The following PREX2 variants were observed in gnomAD, a reference collection of about 807,000 sequenced individuals.
PREX2 encodes phosphatidylinositol 3,4,5-trisphosphate-dependent Rac exchanger 2 protein.
Under a neutral mutation model 203.2 loss-of-function variants are expected in PREX2, and 107 were observed. The ratio of observed to expected loss-of-function variants is 0.53; its 90% CI spans 0.45 to 0.62. PREX2 has a LOEUF of 0.62. Ranked by LOEUF, PREX2 falls within the 20% of genes least tolerant of loss-of-function variation. The pLI, the probability that PREX2 is intolerant of heterozygous loss-of-function variation, is 0.00. For synonymous variants in PREX2, 672 were observed against 663.6 expected, an observed-to-expected ratio of 1.01 and a Z score of -0.19; for missense variants, 1,777 against 1,955.9, an observed-to-expected ratio of 0.91 and a Z score of 1.72.
Position 68,030,934 on chromosome 8 carries a change from G to A in PREX2, c.705+276G>A, listed in dbSNP as rs1322906913. Reference sequence around the variant, plus strand: ...TAATATTTTAGCATTTATGCATCATGATGATCCTGTTCCTCTCTCAACTTT... The same window carrying A: ...TAATATTTTAGCATTTATGCATCATAATGATCCTGTTCCTCTCTCAACTTT... On this transcript the variant is annotated intron_variant, in intron 6 of 39. Transcript: ENST00000288368. Among the ~76,000 whole-genome samples, 2 of 152,118 alleles carry A rather than the reference G, an allele frequency of 1.3e-5. 1 individual carries two copies. Among genetic ancestry groups the A allele is most frequent in the Non-Finnish European group, 2.9e-5 (2 of 68,036 alleles).
intron 7 of PREX2, among the ~76,000 whole-genome samples, chr8:68,042,271 A>C (rs1273794159): frequency 6.6e-6 from 1 of 152,112 alleles, no homozygotes; most frequent in Non-Finnish European, 1.5e-5. Context: ...TAGATTAGGC[A>C]TCCTTGCTCT....
chr8:68,089,530 A>T (rs936144868), intron 19 of PREX2, among the ~76,000 whole-genome samples: 1 of 152,126 alleles, frequency 6.6e-6, no homozygotes, highest in Non-Finnish European at 1.5e-5. Context: ...ACACAAACAG[A>T]ACAGCTTGGA....
intron 15 of PREX2, among the ~76,000 whole-genome samples, chr8:68,078,902 T>A (rs778648282): frequency 1.2e-4 from 19 of 152,228 alleles, no homozygotes; most frequent in Non-Finnish European, 2.6e-4. Context: ...ACAGTGTAGC[T>A]CATGCCTGGC....
At chr8:68,179,438 T>C (rs1417512948) in intron 35 of PREX2, among the ~76,000 whole-genome samples, 1 of 152,082 alleles carries the variant, frequency 6.6e-6, no homozygotes, top group Non-Finnish European at 1.5e-5. Context: ...TGAGAGCAGA[T>C]TCTGAAAGAG....
intron 20 of PREX2, among the ~76,000 whole-genome samples, chr8:68,092,920 C>T (rs1809925864): frequency 6.6e-6 from 1 of 152,086 alleles, no homozygotes; most frequent in Admixed American, 6.6e-5. Context: ...TCCCAAAGTG[C>T]TGAGATTATA....
chr8:68,073,380 T>C (rs535153312), intron 14 of PREX2, among the ~76,000 whole-genome samples: 1 of 152,114 alleles, frequency 6.6e-6, no homozygotes, highest in African/African-American at 2.4e-5. Flanking sequence ...CATACACACC[T>C]TTACTTTTTC....
intron 1 of PREX2, among the ~76,000 whole-genome samples, chr8:67,965,541 A>G (rs943378016): frequency 4.6e-5 from 7 of 152,002 alleles, no homozygotes; most frequent in African/African-American, 1.2e-4. Flanking sequence ...GTATATGTAT[A>G]TATATACACA....
In PREX2 at chr8:68,201,135, T is replaced by C. The variant is rs114082827; in HGVS notation, c.4604+8610T>C. 4.8e-3 allele frequency among the ~76,000 whole-genome samples: 735 copies of C among 152,258 alleles called. 5 individuals carry two copies. The highest frequency in any genetic ancestry group is 0.017 in the African/African-American group (693 of 41,550). ...ATATTATAAATAAAAATTCCAGTCATTTTCTGGAATATATTACTGAGATCT... is the reference window on the plus strand; with the variant it reads ...ATATTATAAATAAAAATTCCAGTCACTTTCTGGAATATATTACTGAGATCT... On this transcript the variant is annotated intron_variant, in intron 37 of 39. Coordinates refer to ENST00000288368, the MANE Select transcript of PREX2 (RefSeq NM_024870.4).
intron 1 of PREX2, among the ~76,000 whole-genome samples, chr8:68,013,449 C>G (rs900753077): frequency 6.6e-6 from 1 of 152,138 alleles, no homozygotes; most frequent in African/African-American, 2.4e-5. Flanking sequence ...AAATCTGAGA[C>G]CCAACAGGTC....
At position 67,955,170 on chromosome 8, in the gene PREX2, A is replaced by T. The variant is rs6986862; in HGVS notation, c.141+2635A>T. Among the ~76,000 whole-genome samples the T allele has an allele frequency of 2.6e-3, 359 of 139,454 alleles. 3 individuals are homozygous for T. The highest frequency in any genetic ancestry group is 7.4e-3 in the Middle Eastern group (2 of 272). The allele number at this position is 139,454 out of a possible 152,430, so 91.5% of individuals were successfully genotyped here. Reference sequence around the variant, plus strand: ...CTCAAAAAAAAAAAAAAAAAAAAAAAAGAAATCATATGGCTAGAGGGAAAA... The same window carrying T: ...CTCAAAAAAAAAAAAAAAAAAAAAATAGAAATCATATGGCTAGAGGGAAAA... On this transcript the variant is annotated intron_variant, in intron 1 of 39. Coordinates refer to ENST00000288368, the MANE Select transcript of PREX2 (RefSeq NM_024870.4).
chr8:68,236,147 T>TA lies in PREX2; in HGVS notation c.*4772dup, dbSNP rs1206643793. On this transcript the variant is annotated 3_prime_UTR_variant, in exon 40 of 40. Coordinates refer to ENST00000288368, the MANE Select transcript of PREX2 (RefSeq NM_024870.4). ...AGCATCAGAGCTGTCCAACCATGTGTAAATGTACCTGGTCTTTTGATCACT... is the reference window on the plus strand; with the variant it reads ...AGCATCAGAGCTGTCCAACCATGTGTAAAATGTACCTGGTCTTTTGATCACT... 1 of 151,998 alleles carries TA rather than the reference T, an allele frequency of 6.6e-6. No homozygotes were observed. The highest frequency in any genetic ancestry group is 2.4e-5 in the African/African-American group (1 of 41,264). 9.4% of individuals were successfully genotyped at this position (151,998 alleles called of 1,614,324 possible).
chr8:68,192,456 C>G lies in PREX2; in HGVS notation c.4535C>G (p.Ser1512Ter). Residue 1512 changes from serine to a stop codon, truncating the protein, a stop_gained, in exon 37 of 40, where the codon TCA becomes TGA. Transcript: ENST00000288368. LOFTEE classifies it high-confidence loss of function. ...AGTGCTTCTGGGGTTGGACTGCTGT[C>G]AGTTTCCTCGGAGCTGTGCAACAGG... ...ACSASGVGLL[S>*]VSSELCNRLG... 6.2e-7 allele frequency: 1 copy of G among 1,613,896 alleles called. No individual in the cohort carries two copies. Among genetic ancestry groups the G allele is most frequent in the Non-Finnish European group, 8.5e-7 (1 of 1,179,984 alleles).
intron 39 of PREX2, among the ~76,000 whole-genome samples, chr8:68,226,079 CAATAA>C (rs1380522666): frequency 1.3e-5 from 2 of 151,872 alleles, no homozygotes; most frequent in Non-Finnish European, 2.9e-5. Flanking sequence ...AAACGAAACG[CAATAA>C]AATGAGCCAG....
At chr8:68,183,161 G>T (rs759081942) in intron 35 of PREX2, among the ~76,000 whole-genome samples, 2 of 152,056 alleles carry the variant, frequency 1.3e-5, no homozygotes, top group African/African-American at 2.4e-5. Context: ...GTAATGAAAT[G>T]ATTGTATTTA....
At chr8:68,024,989 C>A (rs1186724070) in intron 4 of PREX2, among the ~76,000 whole-genome samples, 1 of 151,850 alleles carries the variant, frequency 6.6e-6, no homozygotes, top group Admixed American at 6.6e-5. Context: ...ATATATATTA[C>A]ATTATATATG....
At chr8:68,191,589 C>A in intron 35 of PREX2, 133 bp from the exon 36 acceptor site, 1 of 628,802 alleles carries the variant, frequency 1.6e-6, no homozygotes, top group South Asian at 2.3e-5. Context: ...TTGTGCAACC[C>A]CAACCTTCTA....
At chr8:68,045,867 A>T (rs1808338901) in intron 8 of PREX2, among the ~76,000 whole-genome samples, 1 of 152,096 alleles carries the variant, frequency 6.6e-6, no homozygotes, top group South Asian at 2.1e-4. Flanking sequence ...ATTTTTTACA[A>T]GGTAGCAGTA....
At chr8:68,211,973 C>CAA (rs970751473) in intron 37 of PREX2, among the ~76,000 whole-genome samples, 18 of 152,264 alleles carry the variant, frequency 1.2e-4, no homozygotes, top group African/African-American at 4.1e-4. Flanking sequence ...ATTTACGTAA[C>CAA]AAATTGTTCT....
intron 6 of PREX2, among the ~76,000 whole-genome samples, chr8:68,036,210 C>A (rs1471134419): frequency 1.3e-5 from 2 of 152,056 alleles, no homozygotes; most frequent in Non-Finnish European, 2.9e-5. Flanking sequence ...GGAAAAAGAC[C>A]TAGCGGTTTG....
Sources: allele counts gnomAD v4.1 joint callset (sites outside exome capture counted in the v4.1 genomes callset), GRCh38; gene constraint gnomAD v4.1.1; transcripts MANE v1.5; gene names NCBI Gene and HGNC (gene_info 2026-07-23, HGNC 2026-07-21).